The following ELMO2 variants were observed in gnomAD, a reference collection of about 807,000 sequenced individuals.
ELMO2 encodes the protein engulfment and cell motility protein 2.
In ELMO2, 37 loss-of-function variants were observed where a neutral mutation model predicts 96.2. That is an observed-to-expected ratio of 0.38 (90% CI 0.30 to 0.51). The LOEUF (loss-of-function observed/expected upper bound fraction) is 0.51. ELMO2 is among the 20% of genes least tolerant of loss of function. The pLI is 0.88. For synonymous variants in ELMO2, 315 were observed against 329.4 expected (o/e 0.96, Z 0.47); for missense variants, 561 against 912.6 (o/e 0.61, Z 4.96).
intron 20 of ELMO2, 42 bp downstream of exon 20, chr20:46,370,401 A>G: frequency 6.3e-7 from 1 of 1,576,162 alleles, no homozygotes; most frequent in Non-Finnish European, 8.7e-7. Context: ...GCACTCTCCA[A>G]GTATCACTGG....
chr20:46,389,970 T>A (rs2060122495), intron 6 of ELMO2, among the ~76,000 whole-genome samples: 1 of 151,948 alleles, frequency 6.6e-6, no homozygotes, highest in African/African-American at 2.4e-5. Context: ...CTGACCAACA[T>A]GATGAAACCC....
intron 11 of ELMO2, among the ~76,000 whole-genome samples, chr20:46,377,250 T>C (rs2145786813): frequency 6.6e-6 from 1 of 152,336 alleles, no homozygotes; most frequent in African/African-American, 2.4e-5. Flanking sequence ...AAAGAAAATG[T>C]AAAATGTCTT....
Position 46,371,841 on chromosome 20 carries a change from C to T in ELMO2, c.1545G>A (p.Arg515=), listed in dbSNP as rs2059720256. Residue 515 remains arginine (R), a synonymous_variant, in exon 17 of 22, where the codon AGG becomes AGA. Coordinates refer to ENST00000290246, the MANE Select transcript of ELMO2 (RefSeq NM_133171.5). This position sits in a 1 kb window ranked among gnomAD's most constrained non-coding sequence, Gnocchi z 5.9. ...GGGACTGGAAGTCATCCTGACTCATCCTCTCAGACTGGCGCAGTCGTAGAA... is the reference window on the plus strand; with the variant it reads ...GGGACTGGAAGTCATCCTGACTCATTCTCTCAGACTGGCGCAGTCGTAGAA... ...SEILRLRQSE[R]MSQDDFQSPP... 4 of 1,614,222 alleles carry T rather than the reference C, an allele frequency of 2.5e-6. No homozygotes were observed. Among genetic ancestry groups the T allele is most frequent in the Non-Finnish European group, 3.4e-6 (4 of 1,180,038 alleles).
intron 11 of ELMO2, among the ~76,000 whole-genome samples, chr20:46,378,759 G>C (rs942459640): frequency 3.9e-5 from 6 of 152,204 alleles, no homozygotes; most frequent in Non-Finnish European, 8.8e-5. Flanking sequence ...AGTGCTTACT[G>C]AGTGCCAGAC....
Position 46,387,437 on chromosome 20 carries a change from G to C in ELMO2, c.426C>G (p.His142Gln). ...LVESGTKLLS[H>Q]YSEMLAFTLT... ...GGGTGAATGCCAGCATCTCACTGTA[G>C]CTGAGACACGTGCAACACACACACA... The change falls in exon 8 of 22, where the codon CAC (histidine) becomes CAG (glutamine). Residue 142 changes from histidine (H) to glutamine (Q), a missense_variant and splice_region_variant. Coordinates refer to ENST00000290246, the MANE Select transcript of ELMO2 (RefSeq NM_133171.5). 1 of 1,612,424 alleles carries C rather than the reference G, an allele frequency of 6.2e-7. No homozygotes were observed.
rs2059639766 is a variant in ELMO2 at position 46,368,976 on chromosome 20, A to G, written c.1885-8T>C. 3.7e-6 allele frequency: 6 copies of G among 1,614,058 alleles called. No homozygotes were observed. The South Asian group carries it at 4.4e-5, about 12-fold the overall frequency. On this transcript the variant is annotated splice_region_variant and splice_polypyrimidine_tract_variant and intron_variant, in intron 20 of 21. Transcript: ENST00000290246. ...GGCCAATTCCAACACCTCCTGAAGGAGAAAGGGTTTAAATTAGAGCGATGG... is the reference window on the plus strand; with the variant it reads ...GGCCAATTCCAACACCTCCTGAAGGGGAAAGGGTTTAAATTAGAGCGATGG...
chr20:46,371,872 G>C lies in ELMO2; in HGVS notation c.1514C>G (p.Ser505Cys), dbSNP rs772866712. The change falls in exon 17 of 22, where the codon TCT (serine) becomes TGT (cysteine). Residue 505 changes from serine to cysteine, a missense_variant. Ser to Cys is a moderately radical substitution (Grantham distance 112). Coordinates refer to ENST00000290246, the MANE Select transcript of ELMO2 (RefSeq NM_133171.5). This position sits in a 1 kb window ranked among gnomAD's most constrained non-coding sequence, Gnocchi z 5.9. Reference sequence around the variant, plus strand: ...AGACTGGCGCAGTCGTAGAATCTCAGAGTAACTCAGGCTACGCAATTTGCT... The same window carrying C: ...AGACTGGCGCAGTCGTAGAATCTCACAGTAACTCAGGCTACGCAATTTGCT... ...FKSKLRSLSY[S>C]EILRLRQSER... The C allele has an allele frequency of 8.7e-6, 14 of 1,614,246 alleles. No individual in the cohort carries two copies. In the East Asian group the frequency reaches 2.9e-4, roughly 33 times the overall value.
intron 1 of ELMO2, among the ~76,000 whole-genome samples, chr20:46,401,442 A>C (rs1210515698): frequency 1.3e-5 from 2 of 152,204 alleles, no homozygotes; most frequent in Admixed American, 6.5e-5. Context: ...ACATAGAGGC[A>C]AAGGTGTGGT....
intron 9 of ELMO2, among the ~76,000 whole-genome samples, chr20:46,385,654 C>T (rs1002373898): frequency 1.3e-4 from 20 of 152,186 alleles, no homozygotes; most frequent in African/African-American, 4.8e-4. Flanking sequence ...AGTGCATCGT[C>T]GGTTCAGTGA....
intron 6 of ELMO2, 75 bp from the exon 7 acceptor site, chr20:46,389,295 G>A: frequency 6.9e-7 from 1 of 1,454,176 alleles, no homozygotes; most frequent in Non-Finnish European, 9.4e-7. Flanking sequence ...GCTCACAGAG[G>A]CCCTTCTGTG....
intron 20 of ELMO2, chr20:46,369,190 T>G (rs1443617971): frequency 2.0e-6 from 1 of 489,238 alleles, no homozygotes; most frequent in African/African-American, 1.9e-5. Flanking sequence ...AAAGATGTTG[T>G]GATATTTTTA....
chr20:46,369,959 GGGGTGTGTGT>G (rs1456135539), intron 20 of ELMO2: 18,903 of 248,374 alleles, frequency 0.076, 551 homozygotes, highest in Middle Eastern at 0.098. Flanking sequence ...GATGGGTATG[GGGGTGTGTGT>G]GTGTGTGTGT....
chr20:46,372,780 A>G (rs1274963206), intron 16 of ELMO2: 2 of 152,260 alleles, frequency 1.3e-5, no homozygotes, highest in African/African-American at 2.4e-5. Flanking sequence ...TAATGAAGGA[A>G]AAACCTGTAG....
chr20:46,371,832 C>T lies in ELMO2; in HGVS notation c.1554G>A (p.Gln518=). 4.3e-6 allele frequency: 7 copies of T among 1,614,202 alleles called. No homozygotes were observed. Among genetic ancestry groups the T allele is most frequent in the Non-Finnish European group, 5.9e-6 (7 of 1,180,030 alleles). The change falls in exon 17 of 22, where the codon CAG becomes CAA. Residue 518 remains glutamine, a synonymous_variant. Coordinates refer to ENST00000290246, the MANE Select transcript of ELMO2 (RefSeq NM_133171.5). The surrounding 1 kb of genome is among the most constrained non-coding windows in gnomAD (Gnocchi z 5.9). The part of the protein sequence containing the change: ...LRLRQSERMS[Q]DDFQSPPIVE... ...CAATTGGCGGGGACTGGAAGTCATC[C>T]TGACTCATCCTCTCAGACTGGCGCA... is the stretch of plus-strand genomic sequence containing the variant.
At chr20:46,387,975 T>C (rs1214667950) in intron 7 of ELMO2, among the ~76,000 whole-genome samples, 1 of 152,232 alleles carries the variant, frequency 6.6e-6, no homozygotes, top group Non-Finnish European at 1.5e-5. Context: ...TGATGATGTA[T>C]GCAAAGCTCT....
At position 46,367,409 on chromosome 20, in the gene ELMO2, G is replaced by T. The variant is rs776733201; in HGVS notation, c.2114C>A (p.Pro705His). Residue 705 changes from proline to histidine, a missense_variant, in exon 22 of 22, where the codon CCC becomes CAC. Pro to His is a moderately conservative substitution (Grantham distance 77, BLOSUM62 -2). Transcript: ENST00000290246. ...ENIQIPEAPP[P>H]IPKEPSSYDF... ...ATAGCTGCTGGGCTCCTTGGGGATG[G>T]GGGGTGGGGCTTCGGGAATCTGGAT... is the stretch of plus-strand genomic sequence containing the variant. 1 of 1,610,048 alleles carries T rather than the reference G, an allele frequency of 6.2e-7. No individual in the cohort carries two copies. Among genetic ancestry groups the T allele is most frequent in the Non-Finnish European group, 8.5e-7 (1 of 1,178,320 alleles).
Position 46,368,872 on chromosome 20 carries a change from G to A in ELMO2, c.1962+19C>T, listed in dbSNP as rs775760838. 1.9e-6 allele frequency: 3 copies of A among 1,613,492 alleles called. No individual in the cohort carries two copies. The Admixed American group carries it at 5.0e-5, about 27-fold the overall frequency. ...TACAGAAATAGCTCTGTTGTCTAAG[G>A]CAGCGCCACACTGCTCACCTCATAT... On this transcript the variant is annotated intron_variant, in intron 21 of 21. Coordinates refer to ENST00000290246, the MANE Select transcript of ELMO2 (RefSeq NM_133171.5).
intron 1 of ELMO2, among the ~76,000 whole-genome samples, chr20:46,402,925 G>A (rs1271969318): frequency 6.6e-6 from 1 of 152,222 alleles, no homozygotes; most frequent in East Asian, 1.9e-4. Context: ...GTGAGGAAGT[G>A]TAGCTTAACA....
chr20:46,380,100 A>C, intron 11 of ELMO2, 153 bp downstream of exon 11: 1 of 624,884 alleles, frequency 1.6e-6, no homozygotes, highest in Non-Finnish European at 2.7e-6. Flanking sequence ...GGATCGCGGG[A>C]AAAAGCTATT....
Sources: allele counts gnomAD v4.1 joint callset (sites outside exome capture counted in the v4.1 genomes callset), GRCh38; gene constraint gnomAD v4.1.1; non-coding constraint Gnocchi (gnomAD v3.1); transcripts MANE v1.5; gene names NCBI Gene and HGNC (gene_info 2026-07-23, HGNC 2026-07-21).